Variants in NLRP3 observed in about 807,000 individuals in gnomAD.
The protein encoded by NLRP3 is NACHT, LRR and PYD domains-containing protein 3.
NLRP3 carries 48 observed loss-of-function variants against 91.3 expected under a neutral mutation model. The observed-to-expected ratio is 0.53, with a 90% CI of 0.42 to 0.67. NLRP3 has a LOEUF of 0.67. Ranked by LOEUF, NLRP3 falls within the 30% of genes least tolerant of loss-of-function variation. The pLI is 0.00. For missense variants in NLRP3, 982 were observed against 1,276.9 expected (o/e 0.77, Z 3.52); for synonymous variants, 561 against 507.9 (o/e 1.10, Z -1.41).
In NLRP3 at chr1:247,424,420, A is replaced by G; in HGVS notation, c.971A>G (p.Glu324Gly). 1 of 1,614,164 alleles carries G rather than the reference A, an allele frequency of 6.2e-7. No individual in the cohort carries two copies. Among genetic ancestry groups the G allele is most frequent in the Non-Finnish European group, 8.5e-7 (1 of 1,180,038 alleles). ...CTCTGCACTGACTGGCAGAAGGCCG[A>G]GCGGGGAGACATTCTCCTGAGCAGC... ...GPLCTDWQKA[E>G]RGDILLSSLI... The change falls in exon 4 of 10, where the codon GAG becomes GGG. Residue 324 changes from glutamate to glycine, a missense_variant. By Grantham distance (98) the Glu-to-Gly change is moderately conservative (BLOSUM62 -2). This residue lies in a region of NLRP3 where 548 missense variants were observed against 713.7 expected (regional missense o/e 0.77). Coordinates refer to ENST00000336119, the MANE Select transcript of NLRP3 (RefSeq NM_001243133.2). This position sits in a 1 kb window ranked among gnomAD's most constrained non-coding sequence, Gnocchi z 8.1.
intron 4 of NLRP3, among the ~76,000 whole-genome samples, chr1:247,429,039 C>T (rs561810902): frequency 1.3e-5 from 2 of 152,072 alleles, no homozygotes; most frequent in East Asian, 1.9e-4. Context: ...ATGACAGGCT[C>T]GTGCCACCAC....
At chr1:247,416,879 C>A (rs6426246) in intron 1 of NLRP3, among the ~76,000 whole-genome samples, 151,505 of 152,310 alleles carry the variant, frequency 0.99, 75,359 homozygotes, top group East Asian at 1. Flanking sequence ...AGAGCTCCAC[C>A]GTTTTCCAGG....
intron 9 of NLRP3, among the ~76,000 whole-genome samples, chr1:247,447,599 A>C (rs1446447963): frequency 6.6e-6 from 1 of 152,254 alleles, no homozygotes; most frequent in Admixed American, 6.5e-5. Flanking sequence ...AAGATGTGAG[A>C]GGCATCCTGG....
chr1:247,418,726 C>A lies in NLRP3; in HGVS notation c.-75C>A. ...GTGGAGACTTTAAAAAAGACTCATC[C>A]GTGTGCCGTGTTCACTGCCTGGTAT... is the stretch of plus-strand genomic sequence containing the variant. On this transcript the variant is annotated 5_prime_UTR_variant, in exon 2 of 10. Transcript: ENST00000336119. 6.4e-7 allele frequency: 1 copy of A among 1,557,602 alleles called. No individual in the cohort carries two copies. Among genetic ancestry groups the A allele is most frequent in the South Asian group, 1.1e-5 (1 of 89,386 alleles).
At chr1:247,439,262 G>T (rs546456161) in intron 7 of NLRP3, among the ~76,000 whole-genome samples, 40 of 152,306 alleles carry the variant, frequency 2.6e-4, no homozygotes, top group Non-Finnish European at 4.3e-4. Context: ...CTGTAATAAA[G>T]TATCACAAAC....
chr1:247,438,948 G>T (rs1024374738), intron 7 of NLRP3, among the ~76,000 whole-genome samples: 2 of 151,962 alleles, frequency 1.3e-5, no homozygotes, highest in Non-Finnish European at 2.9e-5. Context: ...ACAATAGATT[G>T]TTATATAATC....
At chr1:247,435,945 T>C in intron 6 of NLRP3, 25 bp from the exon 7 acceptor site, 1 of 1,612,240 alleles carries the variant, frequency 6.2e-7, no homozygotes, top group Non-Finnish European at 8.5e-7. Flanking sequence ...GAGACATGAC[T>C]GACATTCTGC....
At position 247,448,683 on chromosome 1, in the gene NLRP3, T is replaced by C; in HGVS notation, c.*179T>C. The C allele has an allele frequency of 4.5e-6, 3 of 661,840 alleles. No individual in the cohort carries two copies. The highest frequency in any genetic ancestry group is 8.3e-6 in the Non-Finnish European group (3 of 360,890). The allele number at this position is 661,840 out of a possible 1,614,324, so 41.0% of individuals were successfully genotyped here. On this transcript the variant is annotated 3_prime_UTR_variant, in exon 10 of 10. Coordinates refer to ENST00000336119, the MANE Select transcript of NLRP3 (RefSeq NM_001243133.2). ...CCTGTGCAGAGCTTGGGCATCTCCT[T>C]TACGCCAGGGTGAGGAAGACACCAG...
chr1:247,420,435 C>A (rs1424792583), intron 2 of NLRP3, among the ~76,000 whole-genome samples: 1 of 151,522 alleles, frequency 6.6e-6, no homozygotes. Context: ...AAATCATGGC[C>A]GGGCATGGTG....
chr1:247,438,378 G>GTTTTT (rs74163772), intron 7 of NLRP3, among the ~76,000 whole-genome samples: 56 of 71,882 alleles, frequency 7.8e-4, no homozygotes, highest in East Asian at 1.4e-3. Context: ...GTTTAGTTGT[G>GTTTTT]TTTTTTTTTT....
chr1:247,444,032 T>C lies in NLRP3; in HGVS notation c.2724T>C (p.Thr908=), dbSNP rs773266606. 1.2e-6 allele frequency: 2 copies of C among 1,614,090 alleles called. No individual in the cohort carries two copies. The highest frequency in any genetic ancestry group is 4.5e-5 in the East Asian group (2 of 44,894). ...CAGCTTTGTCCTCGGTACTCAGCAC[T>C]AATCAGAATCTCACGCACCTTTACC... is the stretch of plus-strand genomic sequence containing the variant. The part of the protein sequence containing the change: ...CCSALSSVLS[T]NQNLTHLYLR... Residue 908 remains threonine (T), a synonymous_variant, in exon 8 of 10, where the codon ACT becomes ACC. Transcript: ENST00000336119.
rs112152979 is a variant in NLRP3, at chr1:247,433,480, T to C, written c.2322-623T>C. 3.3e-3 allele frequency among the ~76,000 whole-genome samples: 505 copies of C among 152,318 alleles called. 3 individuals are homozygous for C. Among genetic ancestry groups the C allele is most frequent in the Non-Finnish European group, 5.7e-3 (385 of 68,030 alleles). Reference sequence around the variant, plus strand: ...TCACATGTCTGGGGGGTGATCTCAATGCACCCGGCACTGTTTACGGCCGGG... The same window carrying C: ...TCACATGTCTGGGGGGTGATCTCAACGCACCCGGCACTGTTTACGGCCGGG... On this transcript the variant is annotated intron_variant, in intron 5 of 9. Coordinates refer to ENST00000336119, the MANE Select transcript of NLRP3 (RefSeq NM_001243133.2).
chr1:247,435,909 C>T, intron 6 of NLRP3, 61 bp from the exon 7 acceptor site: 2 of 1,561,566 alleles, frequency 1.3e-6, no homozygotes, highest in East Asian at 2.2e-5. Context: ...ACGGGTGCTT[C>T]CTTGTCCATG....
At chr1:247,447,698 C>A (rs577991520) in intron 9 of NLRP3, among the ~76,000 whole-genome samples, 1 of 152,292 alleles carries the variant, frequency 6.6e-6, no homozygotes, top group South Asian at 2.1e-4. Flanking sequence ...AGCGTAAATG[C>A]TGACTGGACA....
chr1:247,435,442 T>C (rs894346822), intron 6 of NLRP3, among the ~76,000 whole-genome samples: 1 of 152,140 alleles, frequency 6.6e-6, no homozygotes, highest in African/African-American at 2.4e-5. Context: ...TCGGGGACAT[T>C]ATGCTAAGTA....
In NLRP3 at chr1:247,444,074, C is replaced by T. The variant is rs200905637; in HGVS notation, c.2766C>T (p.Leu922=). The change falls in exon 8 of 10, where the codon CTC becomes CTT. Residue 922 remains leucine (L), a synonymous_variant. Transcript: ENST00000336119. The stretch of plus-strand genomic sequence containing the variant: ...ACCTTTACCTGCGAGGCAACACTCT[C>T]GGAGACAAGGGGATCAAACTACTCT... ...LTHLYLRGNT[L]GDKGIKLLCE... is the part of the protein sequence containing the mutation. 6.2e-6 allele frequency: 10 copies of T among 1,614,056 alleles called. No individual in the cohort carries two copies. Among genetic ancestry groups the T allele is most frequent in the East Asian group, 2.2e-5 (1 of 44,898 alleles).
intron 8 of NLRP3, 70 bp downstream of exon 8, chr1:247,444,212 G>A: frequency 2.1e-6 from 3 of 1,453,916 alleles, no homozygotes; most frequent in Non-Finnish European, 2.9e-6. Flanking sequence ...TTTAGGCAGA[G>A]TGGCCACAAG....
At chr1:247,427,997 G>A (rs1663028591) in intron 4 of NLRP3, among the ~76,000 whole-genome samples, 1 of 130,414 alleles carries the variant, frequency 7.7e-6, no homozygotes, top group Non-Finnish European at 1.6e-5. Context: ...CCTGGCAGGG[G>A]GCTCAGCACC....
At chr1:247,417,540 G>A (rs946570775) in intron 1 of NLRP3, among the ~76,000 whole-genome samples, 1 of 152,106 alleles carries the variant, frequency 6.6e-6, no homozygotes, top group Non-Finnish European at 1.5e-5. Flanking sequence ...GGAGTGCAGT[G>A]GTGTGATCTT....
Sources: gnomAD v4.1 joint callset for allele counts (sites outside exome capture counted in the v4.1 genomes callset) on GRCh38, gnomAD v4.1.1 for gene constraint, gnomAD v4.1.1 regional missense constraint, Gnocchi (gnomAD v3.1) non-coding constraint, MANE v1.5 for transcripts, NCBI Gene and HGNC (gene_info 2026-07-23, HGNC 2026-07-21) for gene names.